KLK8: variants seen among roughly 807,000 people sequenced by gnomAD.
KLK8 encodes the protein kallikrein related peptidase 8.
In KLK8, 18 loss-of-function variants were observed where a neutral mutation model predicts 26.7. The observed-to-expected ratio is 0.67, with a 90% confidence interval of 0.47 to 1.00. The LOEUF (loss-of-function observed/expected upper bound fraction) is 1.00, where lower values mean the gene tolerates loss of function less well. KLK8 is among the 50% of genes least tolerant of loss of function. The probability of loss-of-function intolerance (pLI) is 0.00; values close to 1 mark genes in which losing one functional copy is unlikely to be tolerated. For synonymous variants in KLK8, 137 were observed against 127.1 expected (o/e 1.08, Z -0.52); for missense variants, 301 against 331.7 (o/e 0.91, Z 0.72).
At chr19:50,999,526 C>T (rs909676054) in intron 5 of KLK8, among the ~76,000 whole-genome samples, 1 of 129,180 alleles carries the variant, frequency 7.7e-6, no homozygotes, top group African/African-American at 2.9e-5. Flanking sequence ...TTGTAGTGAG[C>T]TGAGATTGTG....
chr19:50,996,147 G>A (rs1281848218), exon 7 of KLK8: 2 of 1,614,212 alleles, frequency 1.2e-6, no homozygotes, highest in South Asian at 2.2e-5. Flanking sequence ...CCTCCCACAG[G>A]GGTCTGAGCC....
intron 6 of KLK8, among the ~76,000 whole-genome samples, chr19:50,997,399 T>C (rs571807267): frequency 6.6e-6 from 1 of 152,064 alleles, no homozygotes; most frequent in African/African-American, 2.4e-5. Flanking sequence ...CACGATGTAA[T>C]GCTGGGAACC....
At position 51,000,550 on chromosome 19, in the gene KLK8, C is replaced by T. The variant is rs745682175; in HGVS notation, c.104G>A (p.Gly35Glu). The T allele has an allele frequency of 1.9e-5, 31 of 1,613,984 alleles. No individual in the cohort carries two copies. The East Asian group carries it at 6.2e-4, about 32-fold the overall frequency. ...CGAATGGGGTTGGCACTCATGACCC[C>T]CCAGCACCTTGTCCTCCTGTGCCCT... The change falls in exon 4 of 7, where the codon GGG becomes GAG. Residue 35 changes from glycine (G) to glutamate (E), a missense_variant. Physicochemically the swap from Gly to Glu is moderately conservative, Grantham distance 98. Coordinates refer to ENST00000600767, the Ensembl canonical transcript of KLK8.
intron 3 of KLK8, 66 bp from the exon 3 acceptor site, chr19:51,000,649 T>C (rs1385539585): frequency 5.0e-6 from 8 of 1,593,016 alleles, no homozygotes; most frequent in Middle Eastern, 1.7e-4. Context: ...GGAAGGCCAC[T>C]GTGGGTTCAA....
intron 6 of KLK8, among the ~76,000 whole-genome samples, chr19:50,996,866 A>G (rs1438992830): frequency 1.3e-5 from 2 of 151,140 alleles, no homozygotes; most frequent in Non-Finnish European, 2.9e-5. Flanking sequence ...GTTGCCAAAC[A>G]TAGGAGAAAG....
intron 5 of KLK8, 33 bp downstream of exon 4, chr19:50,999,963 C>T (rs1479224158): frequency 6.4e-7 from 1 of 1,562,506 alleles, no homozygotes; most frequent in Non-Finnish European, 8.7e-7. Flanking sequence ...ACCAGCTCCT[C>T]CTCTCCCTCC....
At chr19:51,000,576 G>A (rs377222294) in exon 4 of KLK8, 7 of 1,613,858 alleles carry the variant, frequency 4.3e-6, no homozygotes, top group African/African-American at 2.7e-5. Flanking sequence ...CCTGTGCCCT[G>A]GAGTGTCCTG....
chr19:51,001,207 A>G (rs2091222428), intron 2 of KLK8, 32 bp from the exon 2 acceptor site: 2 of 1,581,588 alleles, frequency 1.3e-6, no homozygotes, highest in South Asian at 1.1e-5. Context: ...GCCGGTAAAC[A>G]GGAAGGAGGA....
exon 5 of KLK8, chr19:51,000,124 A>G (rs1252300765): frequency 1.2e-6 from 2 of 1,614,118 alleles, no homozygotes; most frequent in Admixed American, 3.3e-5. Context: ...TTGAAGAAGC[A>G]TCAGATCATG....
chr19:51,000,766 G>C, intron 3 of KLK8, 183 bp from the exon 3 acceptor site: 1 of 1,503,634 alleles, frequency 6.7e-7, no homozygotes, highest in Non-Finnish European at 8.9e-7. Flanking sequence ...TCATACAAGA[G>C]TCACACACCC....
chr19:50,999,583 CAAAAAAAAAAAA>C (rs56988162), intron 5 of KLK8, among the ~76,000 whole-genome samples: 75 of 30,264 alleles, frequency 2.5e-3, no homozygotes, highest in East Asian at 9.0e-3. Flanking sequence ...TGTCCCCCTG[CAAAAAAAAAAAA>C]AAAAAAAAAA....
At chr19:50,996,843 A>G (rs2091173633) in intron 6 of KLK8, among the ~76,000 whole-genome samples, 1 of 151,364 alleles carries the variant, frequency 6.6e-6, no homozygotes, top group Non-Finnish European at 1.5e-5. Context: ...TAGTGAAGGC[A>G]TCATTGATTG....
chr19:51,001,196 G>A (rs1286381960), intron 2 of KLK8, 21 bp from the exon 2 acceptor site: 3 of 1,604,132 alleles, frequency 1.9e-6, no homozygotes, highest in African/African-American at 1.3e-5. Context: ...GAGAGGGCGG[G>A]GCCGGTAAAC....
intron 6 of KLK8, among the ~76,000 whole-genome samples, chr19:50,997,288 A>C (rs1042325147): frequency 6.6e-6 from 1 of 152,146 alleles, no homozygotes; most frequent in African/African-American, 2.4e-5. Flanking sequence ...TTGTCTCCCA[A>C]GGAACCAATC....
In KLK8 at chr19:51,000,289, G is replaced by A. The variant is rs752336352; in HGVS notation, c.231-31C>T. 64 of 1,555,058 alleles carry A rather than the reference G, an allele frequency of 4.1e-5. 1 individual carries two copies. The Middle Eastern group carries it at 6.9e-4, about 17-fold the overall frequency. ...ATGGTGGGGATAGTTTGGGACCCAG[G>A]CAGGGGTATTGCCCCCAGCCCCCTC... On this transcript the variant is annotated intron_variant, in intron 4 of 6. Coordinates refer to ENST00000600767, the Ensembl canonical transcript of KLK8.
chr19:50,996,101 G>T, exon 7 of KLK8: 1 of 1,614,216 alleles, frequency 6.2e-7, no homozygotes, highest in Non-Finnish European at 8.5e-7. Context: ...AGTCCAGGTA[G>T]CGGCAGATGT....
intron 6 of KLK8, 99 bp downstream of exon 5, chr19:50,997,652 T>A: frequency 7.2e-7 from 1 of 1,386,402 alleles, no homozygotes; most frequent in Non-Finnish European, 9.9e-7. Flanking sequence ...TGCCAAGTCT[T>A]TGGGGTCACT....
At chr19:51,000,016 C>A in exon 5 of KLK8, 2 of 1,599,376 alleles carry the variant, frequency 1.3e-6, no homozygotes, top group Non-Finnish European at 1.7e-6. Context: ...GGTGACAGTG[C>A]CCCAGCCTGA....
exon 5 of KLK8, chr19:51,000,096 G>A (rs1247266794): frequency 6.2e-7 from 1 of 1,614,084 alleles, no homozygotes; most frequent in Non-Finnish European, 8.5e-7. Flanking sequence ...TGGACCCCAG[G>A]GATGCCTGGT....
Sources: gnomAD v4.1 joint callset for allele counts (sites outside exome capture counted in the v4.1 genomes callset) on GRCh38, gnomAD v4.1.1 for gene constraint, MANE v1.5 for transcripts, NCBI Gene and HGNC (gene_info 2026-07-23, HGNC 2026-07-21) for gene names.